MYLIP: variants seen among roughly 807,000 people sequenced by gnomAD.
MYLIP encodes the protein E3 ubiquitin-protein ligase MYLIP.
In MYLIP, 26 loss-of-function variants were observed where a neutral mutation model predicts 45.8. The observed-to-expected ratio is 0.57, with a 90% CI of 0.42 to 0.79. The LOEUF is 0.79. Ranked by LOEUF, MYLIP falls within the 30% of genes least tolerant of loss-of-function variation. MYLIP has a pLI of 0.00. For synonymous variants in MYLIP, 213 were observed against 218.1 expected, an observed-to-expected ratio of 0.98 and a Z score of 0.21; for missense variants, 494 against 555.6, an observed-to-expected ratio of 0.89 and a Z score of 1.11.
chr6:16,140,870 A>T (rs948075282), intron 2 of MYLIP, among the ~76,000 whole-genome samples: 1 of 152,220 alleles, frequency 6.6e-6, no homozygotes, highest in Admixed American at 6.5e-5. Flanking sequence ...AACAAGCAGC[A>T]TGGAAGGTAG....
intron 2 of MYLIP, among the ~76,000 whole-genome samples, chr6:16,134,966 A>C (rs1220474324): frequency 6.6e-6 from 1 of 152,090 alleles, no homozygotes; most frequent in African/African-American, 2.4e-5. Flanking sequence ...ATTAAATCTG[A>C]GCATTTAGAA....
intron 1 of MYLIP, 31 bp from the exon 2 acceptor site, chr6:16,130,526 C>G: frequency 6.2e-7 from 1 of 1,604,576 alleles, no homozygotes; most frequent in Non-Finnish European, 8.5e-7. Context: ...GTACCATTTG[C>G]TCATCCAGGC....
downstream of MYLIP, among the ~76,000 whole-genome samples, chr6:16,148,428 C>G (rs1203411564): frequency 2.7e-5 from 4 of 149,792 alleles, no homozygotes; most frequent in Non-Finnish European, 5.9e-5. Flanking sequence ...TAGAAATGAT[C>G]CTTGAGAGTA....
rs1014909115 is a variant in MYLIP, at chr6:16,130,561, G to A, written c.92G>A (p.Cys31Tyr). ...ANGEDCLNQVCRRLGIIEVDY... is the reference protein window; with the variant it reads ...ANGEDCLNQVYRRLGIIEVDY... ...CTGCATTCCTTTTTGTTTTAGGTGT[G>A]CAGGCGACTGGGAATCATAGAAGTT... Residue 31 changes from cysteine to tyrosine, a missense_variant, in exon 2 of 7, where the codon TGC becomes TAC. By Grantham distance (194) the Cys-to-Tyr change is radical (BLOSUM62 -2). Coordinates refer to ENST00000356840, the MANE Select transcript of MYLIP (RefSeq NM_013262.4). 13 of 1,613,806 alleles carry A rather than the reference G, an allele frequency of 8.1e-6. No homozygotes were observed. Among genetic ancestry groups the A allele is most frequent in the Non-Finnish European group, 1.1e-5 (13 of 1,179,878 alleles).
intron 3 of MYLIP, 149 bp from the exon 4 acceptor site, chr6:16,142,871 C>T (rs776221410): frequency 3.4e-5 from 27 of 799,956 alleles, no homozygotes; most frequent in East Asian, 2.7e-4. Context: ...ATAGTAAGTT[C>T]GCTAAATACA....
In MYLIP at chr6:16,129,408, A is replaced by G. The variant is rs990210937; in HGVS notation, c.86A>G (p.Gln29Arg). ...GCCAACGGCGAGGACTGCCTCAACC[A>G]GGTGAGGGCGAGGGGCAAGAAGGGG... ...AKANGEDCLN[Q>R]VCRRLGIIEV... Residue 29 changes from glutamine to arginine, a missense_variant and splice_region_variant, in exon 1 of 7, where the codon CAG (glutamine) becomes CGG (arginine). By Grantham distance (43) the Gln-to-Arg change is conservative. Transcript: ENST00000356840. The surrounding 1 kb of genome is among the most constrained non-coding windows in gnomAD (Gnocchi z 5.1). 4 of 1,580,446 alleles carry G rather than the reference A, an allele frequency of 2.5e-6. No homozygotes were observed. The African/African-American group carries it at 5.4e-5, about 21-fold the overall frequency.
At chr6:16,161,303 C>T in the MYLIP span, 42 of 356,744 alleles carry the variant, frequency 1.2e-4, no homozygotes, top group Non-Finnish European at 2.1e-4. Context: ...ACATCTATTA[C>T]TGGACCTACA....
At chr6:16,160,414 C>T in the MYLIP span, among the ~76,000 whole-genome samples, 2 of 152,174 alleles carry the variant, frequency 1.3e-5, no homozygotes, top group African/African-American at 4.8e-5. Flanking sequence ...CATAGGGATA[C>T]ATCTTGATTA....
chr6:16,155,839 GC>G, the MYLIP span, among the ~76,000 whole-genome samples: 1 of 152,264 alleles, frequency 6.6e-6, no homozygotes, highest in Non-Finnish European at 1.5e-5. Context: ...AGCTCAGTGG[GC>G]CCTCTGCCTT....
the MYLIP span, among the ~76,000 whole-genome samples, chr6:16,158,107 T>C: frequency 7.9e-5 from 12 of 152,200 alleles, no homozygotes; most frequent in Non-Finnish European, 1.5e-4. Flanking sequence ...CCAAAGAGCC[T>C]ACGGATTATC....
chr6:16,137,563 A>G (rs556908068), intron 2 of MYLIP, among the ~76,000 whole-genome samples: 1 of 152,352 alleles, frequency 6.6e-6, no homozygotes, highest in South Asian at 2.1e-4. Context: ...GCTCTTAAAA[A>G]TGGTGTAACT....
At chr6:16,138,216 GTCA>G (rs1759594459) in intron 2 of MYLIP, among the ~76,000 whole-genome samples, 1 of 151,922 alleles carries the variant, frequency 6.6e-6, no homozygotes. Context: ...AATTGAATAT[GTCA>G]TCTACTTTTG....
At chr6:16,162,716 C>G in the MYLIP span, among the ~76,000 whole-genome samples, 1 of 139,070 alleles carries the variant, frequency 7.2e-6, no homozygotes, top group African/African-American at 2.9e-5. Flanking sequence ...TTTGGAGGGC[C>G]GAGGTGGGAG....
chr6:16,142,683 C>T (rs1759697744), intron 3 of MYLIP, among the ~76,000 whole-genome samples: 1 of 152,226 alleles, frequency 6.6e-6, no homozygotes, highest in South Asian at 2.1e-4. Context: ...CAGGGGTCAA[C>T]TTTATACTTA....
At chr6:16,144,016 A>G (rs937910671) in intron 5 of MYLIP, among the ~76,000 whole-genome samples, 153 bp downstream of exon 5, 15 of 152,152 alleles carry the variant, frequency 9.9e-5, no homozygotes, top group African/African-American at 3.6e-4. Context: ...GTAGCAGTGG[A>G]GTCCTTATTA....
chr6:16,144,848 G>A, intron 5 of MYLIP, 49 bp from the exon 6 acceptor site: 1 of 1,559,938 alleles, frequency 6.4e-7, no homozygotes. Context: ...GAATAAGGGT[G>A]CTGCCAGGCT....
At chr6:16,138,417 C>T (rs538057814) in intron 2 of MYLIP, among the ~76,000 whole-genome samples, 3 of 152,066 alleles carry the variant, frequency 2.0e-5, no homozygotes, top group African/African-American at 7.2e-5. Context: ...GATTCAAAAC[C>T]ACCCATAAAT....
the MYLIP span, among the ~76,000 whole-genome samples, chr6:16,154,155 C>CA: frequency 6.6e-6 from 1 of 151,820 alleles, no homozygotes; most frequent in Non-Finnish European, 1.5e-5. Context: ...ATTAATTTTT[C>CA]TTTTTTTTAA....
At chr6:16,159,196 A>G in the MYLIP span, among the ~76,000 whole-genome samples, 1 of 152,194 alleles carries the variant, frequency 6.6e-6, no homozygotes, top group African/African-American at 2.4e-5. Context: ...GATATTGACT[A>G]TTACAATTTT....
Sources: allele counts gnomAD v4.1 joint callset (sites outside exome capture counted in the v4.1 genomes callset), GRCh38; gene constraint gnomAD v4.1.1; non-coding constraint Gnocchi (gnomAD v3.1); transcripts MANE v1.5; gene names NCBI Gene and HGNC (gene_info 2026-07-23, HGNC 2026-07-21).